Variants in TUB observed in about 807,000 individuals in gnomAD.
TUB encodes tubby protein homolog.
TUB carries 33 observed loss-of-function variants against 59.7 expected under a neutral mutation model. The observed-to-expected ratio is 0.55, with a 90% CI of 0.42 to 0.74. The LOEUF (loss-of-function observed/expected upper bound fraction) is 0.74. Ranked by LOEUF, TUB falls within the 30% of genes least tolerant of loss-of-function variation. The probability of loss-of-function intolerance (pLI) is 0.00; values close to 1 mark genes in which losing one functional copy is unlikely to be tolerated. For missense variants in TUB, 659 were observed against 672.0 expected, an observed-to-expected ratio of 0.98 and a Z score of 0.21; for synonymous variants, 293 against 256.4, an observed-to-expected ratio of 1.14 and a Z score of -1.36.
chr11:8,063,086 C>T (rs539885595), intron 2 of TUB, among the ~76,000 whole-genome samples: 9 of 152,254 alleles, frequency 5.9e-5, no homozygotes, highest in East Asian at 3.9e-4. Flanking sequence ...CTGCTGAGGC[C>T]GGGGACCCTC....
Position 8,101,841 on chromosome 11 carries a change from A to T in TUB, c.*222A>T. ...GGGTGGGTGGGTGTGAAGGGATGAGAATAATTCTTTCCATGCCACGAGATC... is the reference window on the plus strand; with the variant it reads ...GGGTGGGTGGGTGTGAAGGGATGAGTATAATTCTTTCCATGCCACGAGATC... On this transcript the variant is annotated 3_prime_UTR_variant, in exon 12 of 12. Coordinates refer to ENST00000299506, the MANE Select transcript of TUB (RefSeq NM_177972.3). The T allele has an allele frequency of 4.3e-6, 2 of 465,530 alleles. No homozygotes were observed. Among genetic ancestry groups the T allele is most frequent in the Non-Finnish European group, 6.5e-6 (2 of 307,172 alleles). The allele number at this position is 465,530 out of a possible 1,614,324, so 28.8% of individuals were successfully genotyped here. A position where few individuals can be genotyped will look rare whatever the true frequency, so the allele number is the denominator to read the frequency against.
Position 8,096,711 on chromosome 11 carries a change from G to C in TUB, c.592G>C (p.Glu198Gln). 6.2e-7 allele frequency: 1 copy of C among 1,612,816 alleles called. No individual in the cohort carries two copies. The highest frequency in any genetic ancestry group is 8.5e-7 in the Non-Finnish European group (1 of 1,179,072). ...CATCTCCAGCAGCATGAGCTTTGAC[G>C]AGGATGAGGAGGATGAGGAGGAGAA... ...KGISSSMSFD[E>Q]DEEDEEENSS... Residue 198 changes from glutamate (E) to glutamine (Q), a missense_variant, in exon 6 of 12, where the codon GAG becomes CAG. Glu to Gln is a conservative substitution (Grantham distance 29). Transcript: ENST00000299506.
At chr11:8,039,178 G>T in intron 1 of TUB, 1 of 1,051,654 alleles carries the variant, frequency 9.5e-7, no homozygotes, top group Admixed American at 2.9e-5. Flanking sequence ...AGCCCCACAG[G>T]TATATCCCCG....
Position 8,104,927 on chromosome 11 carries a change from GTTGTTTT to G in TUB, c.*3311_*3317del, listed in dbSNP as rs1944478261. ...GGGCACAAAATTCTAGAAGCAGAAG[GTTGTTTT>G]TTTTTTTTTTTCTCCATTCTGAAAA... On this transcript the variant is annotated 3_prime_UTR_variant, in exon 12 of 12. Coordinates refer to ENST00000299506, the MANE Select transcript of TUB (RefSeq NM_177972.3). The G allele has an allele frequency of 6.9e-6, 1 of 144,104 alleles. No individual in the cohort carries two copies. Among genetic ancestry groups the G allele is most frequent in the Admixed American group, 6.8e-5 (1 of 14,602 alleles). The allele number at this position is 144,104 out of a possible 1,614,324, so 8.9% of individuals were successfully genotyped here.
Position 8,054,285 on chromosome 11 carries a change from T to G in TUB, c.203+14593T>G, listed in dbSNP as rs919383334. On this transcript the variant is annotated intron_variant, in intron 2 of 12. Transcript: ENST00000305253. ...TTTATATTTTCTAGAAAGTTCATTG[T>G]GTTGAGATTTTTAATTTATTAGTCT... 3.9e-5 allele frequency among the ~76,000 whole-genome samples: 6 copies of G among 152,308 alleles called. No homozygotes were observed. In the Middle Eastern group the frequency reaches 0.01, roughly 259 times the overall value.
At chr11:8,044,090 T>C (rs1201085895) in intron 2 of TUB, among the ~76,000 whole-genome samples, 1 of 152,220 alleles carries the variant, frequency 6.6e-6, no homozygotes, top group Non-Finnish European at 1.5e-5. Flanking sequence ...CCACTGAATG[T>C]CTTTTGAGTT....
chr11:8,033,211 A>T (rs1240999435), intron 1 of TUB, among the ~76,000 whole-genome samples: 1 of 152,206 alleles, frequency 6.6e-6, no homozygotes. Flanking sequence ...AGCCTTTGCA[A>T]ACAGAACAAA....
At chr11:8,074,394 C>T (rs1205686554) in intron 2 of TUB, among the ~76,000 whole-genome samples, 2 of 152,118 alleles carry the variant, frequency 1.3e-5, no homozygotes, top group Non-Finnish European at 2.9e-5. Context: ...GCATTATACT[C>T]ACCTAAAATA....
chr11:8,091,887 C>T (rs752583469), intron 3 of TUB, among the ~76,000 whole-genome samples: 10 of 152,170 alleles, frequency 6.6e-5, no homozygotes, highest in Non-Finnish European at 1.0e-4. Context: ...GGTCATATGG[C>T]GTGTGGCCTG....
At chr11:8,074,828 C>T (rs1246989162) in intron 2 of TUB, among the ~76,000 whole-genome samples, 1 of 143,814 alleles carries the variant, frequency 7.0e-6, no homozygotes, top group African/African-American at 2.6e-5. Context: ...CTCACTACAA[C>T]CTCCGCCTCC....
Position 8,097,401 on chromosome 11 carries a change from C to A in TUB, c.861C>A (p.His287Gln). The change falls in exon 7 of 12, where the codon CAC becomes CAA. Residue 287 changes from histidine to glutamine, a missense_variant. This residue lies in a region of TUB where 112 missense variants were observed against 156.9 expected (regional missense o/e 0.71). Transcript: ENST00000299506. ...GCATGTACCCCACCTACTTTCTGCA[C>A]CTGGACCGTGAGGATGGGAAGAAGG... ...DRGMYPTYFL[H>Q]LDREDGKKVF... 2 of 1,614,186 alleles carry A rather than the reference C, an allele frequency of 1.2e-6. No individual in the cohort carries two copies. The highest frequency in any genetic ancestry group is 1.7e-6 in the Non-Finnish European group (2 of 1,180,028).
chr11:8,026,353 A>G (rs1225441588), intron 1 of TUB, among the ~76,000 whole-genome samples: 1 of 152,014 alleles, frequency 6.6e-6, no homozygotes, highest in Admixed American at 6.6e-5. Flanking sequence ...GTTGTATCTA[A>G]GAAATCATTG....
In TUB at chr11:8,101,856, G is replaced by GACACGGCGAC; in HGVS notation, c.*237_*238insACACGGCGAC. ...AAGGGATGAGAATAATTCTTTCCAT[G>GACACGGCGAC]CCACGAGATCAACACACACTCCCAC... On this transcript the variant is annotated 3_prime_UTR_variant, in exon 12 of 12. Transcript: ENST00000299506. 2.1e-6 allele frequency: 1 copy of GACACGGCGAC among 482,862 alleles called. No individual in the cohort carries two copies. The highest frequency in any genetic ancestry group is 3.7e-5 in the South Asian group (1 of 26,830). The allele number at this position is 482,862 out of a possible 1,614,324, so 29.9% of individuals were successfully genotyped here.
chr11:8,022,261 CTCAA>C (rs1440250738), intron 1 of TUB, among the ~76,000 whole-genome samples: 4 of 152,132 alleles, frequency 2.6e-5, no homozygotes, highest in African/African-American at 7.2e-5. Flanking sequence ...TTACACAATA[CTCAA>C]TCAAGCTGTT....
intron 9 of TUB, 93 bp from the exon 10 acceptor site, chr11:8,100,410 G>C: frequency 1.0e-6 from 1 of 959,934 alleles, no homozygotes; most frequent in Non-Finnish European, 1.6e-6. Flanking sequence ...GAGATGGTGG[G>C]AACTAGCTCT....
intron 5 of TUB, among the ~76,000 whole-genome samples, chr11:8,096,054 G>A (rs554262848): frequency 6.6e-6 from 1 of 152,360 alleles, no homozygotes; most frequent in East Asian, 1.9e-4. Flanking sequence ...GTGGCAGAGG[G>A]AAGAAGCCTG....
intron 4 of TUB, 43 bp from the exon 5 acceptor site, chr11:8,095,455 C>T: frequency 6.4e-7 from 1 of 1,567,222 alleles, no homozygotes; most frequent in Non-Finnish European, 8.7e-7. Flanking sequence ...AGGCCCTCCT[C>T]TCCTCCTCCT....
intron 1 of TUB, among the ~76,000 whole-genome samples, chr11:8,027,655 C>T (rs531688507): frequency 8.9e-4 from 136 of 152,290 alleles, no homozygotes; most frequent in Non-Finnish European, 1.7e-3. Flanking sequence ...GCTGGGATTA[C>T]AGGTACCCAC....
chr11:8,096,439 T>C (rs1943995466), intron 5 of TUB, among the ~76,000 whole-genome samples: 1 of 152,156 alleles, frequency 6.6e-6, no homozygotes, highest in Admixed American at 6.5e-5. Flanking sequence ...TGGGGATATA[T>C]CCTGAGGATT....
Sources: gnomAD v4.1 joint callset for allele counts (sites outside exome capture counted in the v4.1 genomes callset) on GRCh38, gnomAD v4.1.1 for gene constraint, gnomAD v4.1.1 regional missense constraint, MANE v1.5 for transcripts, NCBI Gene and HGNC (gene_info 2026-07-23, HGNC 2026-07-21) for gene names.